ME3: variants seen among roughly 807,000 people sequenced by gnomAD.
ME3 encodes malic enzyme 3.
A neutral mutation model predicts 68.9 loss-of-function variants in ME3; 48 were observed. The ratio of observed to expected loss-of-function variants is 0.70; its 90% CI spans 0.55 to 0.89. ME3 has a LOEUF of 0.89. Ranked by LOEUF, ME3 falls within the 40% of genes least tolerant of loss-of-function variation. ME3 has a pLI of 0.00. For synonymous variants in ME3, 320 were observed against 318.8 expected (o/e 1.00, Z -0.04); for missense variants, 675 against 797.4 (o/e 0.85, Z 1.85).
At chr11:86,617,022 A>G (rs559546352) in intron 2 of ME3, among the ~76,000 whole-genome samples, 11 of 142,418 alleles carry the variant, frequency 7.7e-5, no homozygotes, top group Non-Finnish European at 1.4e-4. Context: ...TTTTCTGTAC[A>G]TCTAAAATAC....
chr11:86,652,299 C>T (rs1367113322), intron 2 of ME3, among the ~76,000 whole-genome samples: 1 of 152,140 alleles, frequency 6.6e-6, no homozygotes, highest in Non-Finnish European at 1.5e-5. Flanking sequence ...TTGTCAGATT[C>T]ACCAAAGTTG....
intron 4 of ME3, among the ~76,000 whole-genome samples, chr11:86,530,394 A>G (rs549393461): frequency 2.6e-5 from 4 of 152,378 alleles, no homozygotes; most frequent in African/African-American, 9.6e-5. Context: ...GGATAGGAAG[A>G]ATCAATATCA....
intron 6 of ME3, among the ~76,000 whole-genome samples, chr11:86,497,183 C>T (rs1952394100): frequency 6.6e-6 from 1 of 152,116 alleles, no homozygotes; most frequent in African/African-American, 2.4e-5. Context: ...GGGATTTCAC[C>T]ATGTTGGTCA....
Position 86,566,142 on chromosome 11 carries a change from C to T in ME3, c.184-6319G>A, listed in dbSNP as rs1268748650. Among the ~76,000 whole-genome samples the T allele has an allele frequency of 2.6e-5, 4 of 152,276 alleles. 1 individual carries two copies. The highest frequency in any genetic ancestry group is 6.8e-3 in the Middle Eastern group (2 of 294). ...ACAATAGTGATCCCCTGAGTGGCTC[C>T]GTGGACAGCAGACATCAAGAAGGAA... On this transcript the variant is annotated intron_variant, in intron 2 of 14. Coordinates refer to ENST00000543262, the Ensembl canonical transcript of ME3.
At chr11:86,516,955 G>A (rs2139155276) in intron 4 of ME3, among the ~76,000 whole-genome samples, 1 of 152,226 alleles carries the variant, frequency 6.6e-6, no homozygotes, top group Middle Eastern at 3.4e-3. Context: ...AGGCAGAGAG[G>A]GAAGGGAATG....
chr11:86,645,706 G>T (rs1944964705), intron 2 of ME3, among the ~76,000 whole-genome samples: 3 of 152,180 alleles, frequency 2.0e-5, no homozygotes, highest in Admixed American at 6.5e-5. Flanking sequence ...TCTGCTAAGG[G>T]ATAGACTGCC....
At chr11:86,571,113 A>G (rs1462112166) in intron 2 of ME3, among the ~76,000 whole-genome samples, 1 of 152,258 alleles carries the variant, frequency 6.6e-6, no homozygotes, top group Non-Finnish European at 1.5e-5. Context: ...TGGCAATTGC[A>G]CTTCATAGTC....
At chr11:86,468,640 A>G (rs568199115) in intron 7 of ME3, among the ~76,000 whole-genome samples, 15 of 152,358 alleles carry the variant, frequency 9.8e-5, no homozygotes, top group Admixed American at 9.1e-4. Flanking sequence ...GAAAATTTCA[A>G]AGTGGAAATT....
At chr11:86,547,338 G>A (rs1956424121) in intron 4 of ME3, among the ~76,000 whole-genome samples, 1 of 151,946 alleles carries the variant, frequency 6.6e-6, no homozygotes, top group South Asian at 2.1e-4. Flanking sequence ...CAGGGACATG[G>A]ATGAAGCTGG....
At chr11:86,662,609 A>AC (rs1946353072) in intron 2 of ME3, among the ~76,000 whole-genome samples, 2 of 152,162 alleles carry the variant, frequency 1.3e-5, no homozygotes, top group African/African-American at 4.8e-5. Flanking sequence ...AAAAAATAAA[A>AC]ATGAAAATAA....
chr11:86,547,836 A>G (rs1594395124), intron 4 of ME3, among the ~76,000 whole-genome samples: 1 of 152,152 alleles, frequency 6.6e-6, no homozygotes, highest in South Asian at 2.1e-4. Flanking sequence ...CCCCACACCT[A>G]TCCTTTTGAT....
chr11:86,615,184 C>A (rs931913393), intron 2 of ME3, among the ~76,000 whole-genome samples: 1 of 152,018 alleles, frequency 6.6e-6, no homozygotes, highest in Non-Finnish European at 1.5e-5. Context: ...CACATCCGGA[C>A]CCTACACATA....
At chr11:86,461,578 G>T (rs990360472) in intron 8 of ME3, among the ~76,000 whole-genome samples, 15 of 152,330 alleles carry the variant, frequency 9.8e-5, no homozygotes, top group Admixed American at 5.2e-4. Flanking sequence ...GGGAGCTTGA[G>T]TTGTCCTGCA....
At chr11:86,619,537 G>T (rs1442752647) in intron 2 of ME3, among the ~76,000 whole-genome samples, 1 of 152,148 alleles carries the variant, frequency 6.6e-6, no homozygotes, top group Non-Finnish European at 1.5e-5. Context: ...CACAGGAGGG[G>T]TTTCCCCCAT....
At chr11:86,618,219 G>A (rs1243751662) in intron 2 of ME3, among the ~76,000 whole-genome samples, 2 of 146,752 alleles carry the variant, frequency 1.4e-5, no homozygotes, top group Non-Finnish European at 3.0e-5. Flanking sequence ...AGAATAACCT[G>A]AGCCTGGGAG....
At chr11:86,628,095 G>C (rs1476703926) in intron 2 of ME3, among the ~76,000 whole-genome samples, 9 of 152,230 alleles carry the variant, frequency 5.9e-5, no homozygotes, top group African/African-American at 2.2e-4. Flanking sequence ...GAAGATGGTA[G>C]ACATCTTTTG....
intron 4 of ME3, among the ~76,000 whole-genome samples, chr11:86,527,327 A>G (rs1238551472): frequency 6.6e-6 from 1 of 152,186 alleles, no homozygotes. Context: ...AAAGAATAAA[A>G]AGAAACGAAC....
intron 2 of ME3, among the ~76,000 whole-genome samples, chr11:86,600,016 A>C (rs912040048): frequency 5.9e-5 from 9 of 151,810 alleles, no homozygotes; most frequent in Admixed American, 1.3e-4. Flanking sequence ...AAAGACTATC[A>C]AGATTAGGAA....
At chr11:86,672,412 A>G (rs1003399565) in exon 1 of ME3, 4 of 154,584 alleles carry the variant, frequency 2.6e-5, no homozygotes, top group African/African-American at 4.8e-5. Context: ...TCTCCCGCCA[A>G]TGGGTGGACC....
Sources: allele counts gnomAD v4.1 joint callset (sites outside exome capture counted in the v4.1 genomes callset), GRCh38; gene constraint gnomAD v4.1.1; transcripts MANE v1.5; gene names NCBI Gene and HGNC (gene_info 2026-07-23, HGNC 2026-07-21).